DMD: variants seen among roughly 807,000 people sequenced by gnomAD.
The protein encoded by DMD is mutant dystrophin.
DMD carries 63 observed loss-of-function variants against 330.1 expected under a neutral mutation model. The observed-to-expected ratio is 0.19, with a 90% CI of 0.16 to 0.24. DMD has a LOEUF of 0.24. Among genes scored for constraint, DMD ranks in the 10% least tolerant of loss-of-function variants. The pLI is 1.00. For synonymous variants in DMD, 1,223 were observed against 959.8 expected (o/e 1.27, Z -5.07); for missense variants, 3,344 against 2,684.1 (o/e 1.25, Z -5.43).
At chrX:31,235,399 A>G (rs1287512860) in intron 63 of DMD, among the ~76,000 whole-genome samples, 1 of 112,335 alleles carries the variant, frequency 8.9e-6, no homozygotes, top group Non-Finnish European at 1.9e-5. Context: ...TATCCAGTAT[A>G]CAATAAAAAT....
At chrX:32,965,229 C>T (rs754084571) in intron 2 of DMD, among the ~76,000 whole-genome samples, 3 of 111,305 alleles carry the variant, frequency 2.7e-5, no homozygotes, top group South Asian at 3.8e-4. Flanking sequence ...CGGTGGCTCA[C>T]GCCTGTAATC....
chrX:31,649,005 T>C (rs989115630), intron 54 of DMD, among the ~76,000 whole-genome samples: 1 of 111,513 alleles, frequency 9.0e-6, no homozygotes, highest in African/African-American at 3.3e-5. Context: ...CTGAGAATGA[T>C]ACAGATAGAA....
At chrX:31,598,403 C>T (rs1209621342) in intron 55 of DMD, among the ~76,000 whole-genome samples, 3 of 111,689 alleles carry the variant, frequency 2.7e-5, no homozygotes, top group South Asian at 7.5e-4. Context: ...GGATTACAGT[C>T]GTGAGCCACC....
chrX:32,758,000 C>A (rs139591655), intron 7 of DMD, among the ~76,000 whole-genome samples: 1,862 of 111,642 alleles, frequency 0.017, 50 homozygotes, highest in African/African-American at 0.057. Context: ...TTCAAAGGGA[C>A]ATTTCTGAGG....
upstream of DMD, among the ~76,000 whole-genome samples, chrX:33,214,954 G>A (rs1247279852): frequency 8.9e-6 from 1 of 112,485 alleles, no homozygotes; most frequent in African/African-American, 3.2e-5. Context: ...CACTCGGCCA[G>A]TTTGTAAAAA....
chrX:32,305,413 C>T (rs745334769), intron 42 of DMD, among the ~76,000 whole-genome samples: 16 of 111,305 alleles, frequency 1.4e-4, no homozygotes, highest in African/African-American at 4.6e-4. Flanking sequence ...CTAGGTTTTA[C>T]GAGACCAAAG....
chrX:32,189,707 C>T (rs1464239980), intron 44 of DMD, among the ~76,000 whole-genome samples: 2 of 109,881 alleles, frequency 1.8e-5, no homozygotes, highest in Non-Finnish European at 3.8e-5. Flanking sequence ...AGCCCCATTT[C>T]ACATTGGATA....
chrX:32,039,086 C>T (rs750054647), intron 44 of DMD, among the ~76,000 whole-genome samples: 13 of 111,479 alleles, frequency 1.2e-4, no homozygotes, highest in Admixed American at 5.8e-4. Flanking sequence ...ACCATGAAGC[C>T]TTCCTTACAG....
intron 43 of DMD, among the ~76,000 whole-genome samples, chrX:32,226,075 C>G (rs1337610946): frequency 9.0e-6 from 1 of 111,593 alleles, no homozygotes; most frequent in African/African-American, 3.3e-5. Context: ...TTAATTTAGC[C>G]TCTTCTCTCT....
At chrX:31,999,255 G>A (rs763838663) in intron 44 of DMD, among the ~76,000 whole-genome samples, 50 of 111,763 alleles carry the variant, frequency 4.5e-4, no homozygotes, top group African/African-American at 1.4e-3. Context: ...AACTGGATAA[G>A]CTCTTAAGGG....
At chrX:31,481,321 T>C (rs1219125491) in intron 57 of DMD, among the ~76,000 whole-genome samples, 4 of 112,073 alleles carry the variant, frequency 3.6e-5, no homozygotes, top group Non-Finnish European at 7.5e-5. Flanking sequence ...ATCTTCCTGA[T>C]ATAAATACAG....
chrX:31,698,375 A>C (rs1261224312), intron 52 of DMD, among the ~76,000 whole-genome samples: 2 of 112,139 alleles, frequency 1.8e-5, no homozygotes, highest in Non-Finnish European at 3.8e-5. Context: ...CCATCAAAAA[A>C]TGTTAGGCAT....
At chrX:31,431,361 G>A (rs1323879789) in intron 60 of DMD, among the ~76,000 whole-genome samples, 1 of 111,286 alleles carries the variant, frequency 9.0e-6, no homozygotes, top group African/African-American at 3.3e-5. Flanking sequence ...TTTCCTGCCA[G>A]CTGTTGGTAG....
rs772154137 is a variant in DMD, at chrX:31,707,526, A to C, written c.7660+22105T>G. Among the ~76,000 whole-genome samples the C allele has an allele frequency of 8.1e-5, 9 of 110,908 alleles. No homozygotes were observed. In the Admixed American group the frequency reaches 8.7e-4, roughly 11 times the overall value. On this transcript the variant is annotated intron_variant, in intron 52 of 78. Coordinates refer to ENST00000357033, the MANE Select transcript of DMD (RefSeq NM_004006.3). ...GACCTATCAGTTACTATGCTCACTA[A>C]CATGGCGATGGGATCCGTACTCCAA... is the stretch of plus-strand genomic sequence containing the variant.
chrX:31,342,082 A>G (rs760496980), intron 61 of DMD, among the ~76,000 whole-genome samples: 1 of 111,439 alleles, frequency 9.0e-6, no homozygotes, highest in Non-Finnish European at 1.9e-5. Flanking sequence ...AGGATTTGCT[A>G]ATGAGCCACA....
chrX:31,331,669 T>C (rs765916159), intron 61 of DMD, among the ~76,000 whole-genome samples: 13 of 111,900 alleles, frequency 1.2e-4, no homozygotes, highest in Non-Finnish European at 2.4e-4. Flanking sequence ...GTAATGGTGG[T>C]TACAGTCTTT....
intron 7 of DMD, among the ~76,000 whole-genome samples, chrX:32,733,298 C>G (rs1284717437): frequency 9.1e-6 from 1 of 110,040 alleles, no homozygotes; most frequent in Non-Finnish European, 1.9e-5. Context: ...ACTTAGACTC[C>G]CACACATTAA....
intron 60 of DMD, among the ~76,000 whole-genome samples, chrX:31,365,670 G>T (rs5972378): frequency 0.12 from 13,956 of 111,899 alleles, 736 homozygotes; most frequent in Non-Finnish European, 0.15. Context: ...TATTTAAAAT[G>T]AAAGTCTGGG....
Position 31,774,139 on chromosome X carries a change from C to G in DMD, c.7363G>C (p.Ala2455Pro), listed in dbSNP as rs1603464017. The G allele has an allele frequency of 1.7e-6, 2 of 1,210,579 alleles. No individual in the cohort carries two copies. The highest frequency in any genetic ancestry group is 2.2e-6 in the Non-Finnish European group (2 of 894,912). Residue 2455 changes from alanine (A) to proline (P), a missense_variant, in exon 51 of 79, where the codon GCC becomes CCC. Coordinates refer to ENST00000357033, the MANE Select transcript of DMD (RefSeq NM_004006.3). The stretch of plus-strand genomic sequence containing the variant: ...GATGGCATTTCTAGTTTGGAGATGG[C>G]AGTTTCCTTAGTAACCACAGGTTGT... The part of the protein sequence containing the change: ...VTQPVVTKET[A>P]ISKLEMPSSL...
Sources: allele counts gnomAD v4.1 joint callset (sites outside exome capture counted in the v4.1 genomes callset), GRCh38; gene constraint gnomAD v4.1.1; transcripts MANE v1.5; gene names NCBI Gene and HGNC (gene_info 2026-07-23, HGNC 2026-07-21).